NOS1: variants seen among roughly 807,000 people sequenced by gnomAD.
NOS1 encodes the protein nitric oxide synthase 1.
Under a neutral mutation model 164.5 loss-of-function variants are expected in NOS1, and 51 were observed. That is an observed-to-expected ratio of 0.31 (90% confidence interval 0.25 to 0.39). NOS1 has a LOEUF of 0.39. NOS1 is among the 10% of genes least tolerant of loss of function. The pLI is 1.00. For missense variants in NOS1, 1,362 were observed against 1,885.6 expected, an observed-to-expected ratio of 0.72 and a Z score of 5.14; for synonymous variants, 719 against 745.8, an observed-to-expected ratio of 0.96 and a Z score of 0.59.
intron 17 of NOS1, among the ~76,000 whole-genome samples, chr12:117,251,272 C>G (rs1054138122): frequency 6.6e-6 from 1 of 152,142 alleles, no homozygotes; most frequent in Non-Finnish European, 1.5e-5. Context: ...CTGTTGTTTA[C>G]AAGCCACCAG....
chr12:117,227,423 C>A lies in NOS1; in HGVS notation c.3616+8G>T. The A allele has an allele frequency of 1.2e-6, 2 of 1,613,596 alleles. No individual in the cohort carries two copies. Among genetic ancestry groups the A allele is most frequent in the South Asian group, 2.2e-5 (2 of 91,006 alleles). ...AGCTGAGGAGGCTCTCCCAGTGCCTCCGCCCACCTCGAGTGCGGTAGGAAA... is the reference window on the plus strand; with the variant it reads ...AGCTGAGGAGGCTCTCCCAGTGCCTACGCCCACCTCGAGTGCGGTAGGAAA... On this transcript the variant is annotated splice_region_variant and intron_variant, in intron 23 of 28. Transcript: ENST00000317775.
chr12:117,275,502 A>G (rs1592977879), intron 9 of NOS1, among the ~76,000 whole-genome samples: 1 of 152,136 alleles, frequency 6.6e-6, no homozygotes, highest in South Asian at 2.1e-4. Flanking sequence ...GGCTGGGAGG[A>G]GGAGGGAGAA....
chr12:117,210,570 T>A lies in NOS1; in HGVS notation c.*4739A>T. The A allele has an allele frequency of 1.0e-6, 1 of 985,498 alleles. No individual in the cohort carries two copies. Among genetic ancestry groups the A allele is most frequent in the African/African-American group, 1.7e-5 (1 of 57,354 alleles). 61.0% of individuals were successfully genotyped at this position (985,498 alleles called of 1,614,324 possible). On this transcript the variant is annotated 3_prime_UTR_variant, in exon 29 of 29. Coordinates refer to ENST00000317775, the MANE Select transcript of NOS1 (RefSeq NM_000620.5). ...TTCCTAATGGCAAGAATGAAAAGGC[T>A]GCATTAGGCGCTGGTGCTGTCGGAG... is the stretch of plus-strand genomic sequence containing the variant.
chr12:117,226,471 T>C (rs1477807668), intron 24 of NOS1, among the ~76,000 whole-genome samples: 1 of 152,162 alleles, frequency 6.6e-6, no homozygotes, highest in African/African-American at 2.4e-5. Flanking sequence ...GTGTGTTGCA[T>C]TGACTTGACA....
chr12:117,348,923 C>T lies in NOS1; in HGVS notation c.-421+12589G>A, dbSNP rs907608390. The stretch of plus-strand genomic sequence containing the variant: ...GTGGTGCAATTCGAATAGGGTCTGT[C>T]GTTTAGTTAATATCATGCCATTGTC... On this transcript the variant is annotated intron_variant, in intron 1 of 28. Transcript: ENST00000317775. Among the ~76,000 whole-genome samples, 4 of 152,110 alleles carry T rather than the reference C, an allele frequency of 2.6e-5. 1 individual carries two copies. Among genetic ancestry groups the T allele is most frequent in the Non-Finnish European group, 4.4e-5 (3 of 68,036 alleles).
chr12:117,330,452 G>T lies in NOS1; in HGVS notation c.618C>A (p.Leu206=), dbSNP rs1875479625. ...LQGRGENNEL[L]KEIEPVLSLL... ...GGCTCAGCACAGGCTCTATCTCCTT[G>T]AGCAGTTCATTGTTCTCCCCTCTGC... The change falls in exon 2 of 29, where the codon CTC becomes CTA. Residue 206 remains leucine, a synonymous_variant. Transcript: ENST00000317775. The surrounding 1 kb of genome is among the most constrained non-coding windows in gnomAD (Gnocchi z 4.6). The T allele has an allele frequency of 5.0e-6, 8 of 1,614,074 alleles. No homozygotes were observed. In the South Asian group the frequency reaches 8.8e-5, roughly 18 times the overall value.
chr12:117,307,612 C>T (rs1267047286), intron 3 of NOS1, among the ~76,000 whole-genome samples: 1 of 152,178 alleles, frequency 6.6e-6, no homozygotes, highest in Non-Finnish European at 1.5e-5. Flanking sequence ...AGCGATCCAC[C>T]TGCCTTGGCT....
At chr12:117,354,636 G>C (rs577783341) in intron 1 of NOS1, among the ~76,000 whole-genome samples, 1 of 152,250 alleles carries the variant, frequency 6.6e-6, no homozygotes, top group Non-Finnish European at 1.5e-5. Context: ...AAATGACATA[G>C]AGCCCAATGT....
chr12:117,342,316 T>C (rs1032457934), intron 1 of NOS1, among the ~76,000 whole-genome samples: 2 of 152,060 alleles, frequency 1.3e-5, no homozygotes, highest in South Asian at 2.1e-4. Context: ...GTGGAGGTAG[T>C]TGGAGATTAA....
At chr12:117,308,635 C>T (rs1281245107) in intron 3 of NOS1, among the ~76,000 whole-genome samples, 3 of 150,116 alleles carry the variant, frequency 2.0e-5, no homozygotes, top group African/African-American at 2.5e-5. Flanking sequence ...CTTGCTCTGT[C>T]GCCCAGGCTG....
intron 23 of NOS1, 74 bp downstream of exon 23, chr12:117,227,355 GGT>G: frequency 4.4e-6 from 6 of 1,355,524 alleles, no homozygotes; most frequent in Non-Finnish European, 6.2e-6. Context: ...GCCTGCAGAC[GGT>G]GGTTTAGGGA....
In NOS1 at chr12:117,225,128, G is replaced by A; in HGVS notation, c.3714C>T (p.Ser1238=). 1.2e-6 allele frequency: 2 copies of A among 1,612,916 alleles called. No homozygotes were observed. Among genetic ancestry groups the A allele is most frequent in the Non-Finnish European group, 1.7e-6 (2 of 1,179,356 alleles). The change falls in exon 25 of 29, where the codon AGC becomes AGT. Residue 1238 remains serine (S), a synonymous_variant. Coordinates refer to ENST00000317775, the MANE Select transcript of NOS1 (RefSeq NM_000620.5). ...CTTGGGGGTTCCGGGGCAGGTGGAA[G>A]CTGGGTGCTCTGGGCAAGGAAGAGG... The part of the protein sequence containing the change: ...LVPCFVRGAP[S]FHLPRNPQVP...
At position 117,272,221 on chromosome 12, in the gene NOS1, G is replaced by A. The variant is rs1872839757; in HGVS notation, c.1839+164C>T. ...TGCTGTTATTTTCATTGTTGTTAAA[G>A]ACATGGATGCCCCTGGCATTTCCAG... On this transcript the variant is annotated intron_variant, in intron 10 of 28. Coordinates refer to ENST00000317775, the MANE Select transcript of NOS1 (RefSeq NM_000620.5). The surrounding 1 kb of genome is among the most constrained non-coding windows in gnomAD (Gnocchi z 4.3). Among the ~76,000 whole-genome samples, 1 of 152,188 alleles carries A rather than the reference G, an allele frequency of 6.6e-6. No homozygotes were observed. Among genetic ancestry groups the A allele is most frequent in the African/African-American group, 2.4e-5 (1 of 41,440 alleles).
Position 117,265,338 on chromosome 12 carries a change from A to G in NOS1, c.2114T>C (p.Leu705Pro). ...GACCTGGTATTCGAAGGAGGGGGTGAGCCGGTAGTTGAGCATCTCCTGGTG... is the reference window on the plus strand; with the variant it reads ...GACCTGGTATTCGAAGGAGGGGGTGGGCCGGTAGTTGAGCATCTCCTGGTG... ...VFHQEMLNYR[L>P]TPSFEYQPDP... Residue 705 changes from leucine to proline, a missense_variant, in exon 12 of 29, where the codon CTC (leucine) becomes CCC (proline). Transcript: ENST00000317775. The G allele has an allele frequency of 6.4e-7, 1 of 1,555,818 alleles. No individual in the cohort carries two copies. Among genetic ancestry groups the G allele is most frequent in the Non-Finnish European group, 8.7e-7 (1 of 1,144,910 alleles).
Position 117,243,953 on chromosome 12 carries a change from T to C in NOS1, c.2824-518A>G, listed in dbSNP as rs1050313297. Among the ~76,000 whole-genome samples the C allele has an allele frequency of 3.3e-5, 5 of 152,222 alleles. No homozygotes were observed. Among genetic ancestry groups the C allele is most frequent in the Admixed American group, 2.6e-4 (4 of 15,286 alleles). On this transcript the variant is annotated intron_variant, in intron 18 of 28. Coordinates refer to ENST00000317775, the MANE Select transcript of NOS1 (RefSeq NM_000620.5). This position sits in a 1 kb window ranked among gnomAD's most constrained non-coding sequence, Gnocchi z 4.3. The stretch of plus-strand genomic sequence containing the variant: ...CCATCCATCCTATATATTTTGAGTG[T>C]CTGCGATGTGCTGGACACGTCGGAT...
At chr12:117,324,435 A>G (rs969061880) in intron 2 of NOS1, among the ~76,000 whole-genome samples, 1 of 152,116 alleles carries the variant, frequency 6.6e-6, no homozygotes, top group African/African-American at 2.4e-5. Flanking sequence ...CAGCATTTTA[A>G]AGTGACCGCT....
intron 20 of NOS1, among the ~76,000 whole-genome samples, chr12:117,239,953 C>T (rs1870036856): frequency 1.3e-5 from 2 of 151,932 alleles, no homozygotes; most frequent in Admixed American, 6.6e-5. Context: ...GAGTCAGGTG[C>T]CTCCTCTGGA....
At chr12:117,285,143 G>A (rs1195410998) in intron 7 of NOS1, 98 bp downstream of exon 7, 5 of 592,676 alleles carry the variant, frequency 8.4e-6, no homozygotes, top group Admixed American at 5.0e-5. Context: ...CTGAGATGAG[G>A]TGCATTTCCC....
intron 3 of NOS1, among the ~76,000 whole-genome samples, chr12:117,296,524 C>G (rs1272548284): frequency 1.3e-5 from 2 of 152,184 alleles, no homozygotes; most frequent in Non-Finnish European, 2.9e-5. Context: ...TGGATGCTTC[C>G]TGCGCTTGAA....
Sources: gnomAD v4.1 joint callset for allele counts (sites outside exome capture counted in the v4.1 genomes callset) on GRCh38, gnomAD v4.1.1 for gene constraint, Gnocchi (gnomAD v3.1) non-coding constraint, MANE v1.5 for transcripts, NCBI Gene and HGNC (gene_info 2026-07-23, HGNC 2026-07-21) for gene names.